ATP1A1: variants seen among roughly 807,000 people sequenced by gnomAD.
ATP1A1 encodes the protein ATPase Na+/K+ transporting subunit alpha 1.
ATP1A1 carries 14 observed loss-of-function variants against 114.8 expected under a neutral mutation model. The observed-to-expected ratio is 0.12, with a 90% CI of 0.08 to 0.19. ATP1A1 has a LOEUF of 0.19. ATP1A1 is among the 10% of genes least tolerant of loss of function. The pLI is 1.00. For missense variants in ATP1A1, 524 were observed against 1,290.7 expected (o/e 0.41, Z 9.10); for synonymous variants, 471 against 466.3 (o/e 1.01, Z -0.13).
rs1407809777 is a variant in ATP1A1, at chr1:116,386,153, AAAAAG to A, written c.184-1134_184-1130del. On this transcript the variant is annotated intron_variant, in intron 3 of 22. Coordinates refer to ENST00000295598, the MANE Select transcript of ATP1A1 (RefSeq NM_000701.8). ...AAAAAAAAAAAAAAAAAAAAAAAAA[AAAAAG>A]GAGAGAAGAACAAGGTTGAGAGCGT... 7 of 150,778 alleles carry A rather than the reference AAAAAG, an allele frequency of 4.6e-5. No homozygotes were observed. The East Asian group carries it at 9.3e-4, about 20-fold the overall frequency. 9.3% of individuals were successfully genotyped at this position (150,778 alleles called of 1,614,324 possible). A position where few individuals can be genotyped will look rare whatever the true frequency, so the allele number is the denominator to read the frequency against.
intron 10 of ATP1A1, 103 bp downstream of exon 10, chr1:116,390,994 C>G (rs1652425148): frequency 1.1e-6 from 1 of 946,012 alleles, no homozygotes; most frequent in Non-Finnish European, 1.7e-6. Context: ...TGTGACTGTT[C>G]ACTGTAGAAC....
chr1:116,373,556 G>C (rs749736204), intron 1 of ATP1A1, 33 bp downstream of exon 1: 3 of 1,434,024 alleles, frequency 2.1e-6, no homozygotes, highest in Non-Finnish European at 2.7e-6. Context: ...GAGGGGGCTC[G>C]GGGAGCCCTC....
At chr1:116,374,668 T>C (rs748159808) in intron 1 of ATP1A1, among the ~76,000 whole-genome samples, 5 of 152,108 alleles carry the variant, frequency 3.3e-5, no homozygotes, top group Admixed American at 6.5e-5. Flanking sequence ...TGAGAAAAAT[T>C]TACACAGAAT....
chr1:116,395,273 T>C lies in ATP1A1; in HGVS notation c.1824T>C (p.Ser608=), dbSNP rs773412210. 6.2e-7 allele frequency: 1 copy of C among 1,614,020 alleles called. No homozygotes were observed. The highest frequency in any genetic ancestry group is 8.5e-7 in the Non-Finnish European group (1 of 1,179,998). The change falls in exon 13 of 23, where the codon AGT becomes AGC. Residue 608 remains serine (S), a synonymous_variant. Transcript: ENST00000295598. The surrounding 1 kb of genome is among the most constrained non-coding windows in gnomAD (Gnocchi z 6.4). ...AVPDAVGKCR[S]AGIKVIMVTG... The stretch of plus-strand genomic sequence containing the variant: ...CTGATGCCGTGGGCAAATGTCGAAG[T>C]GCTGGAATTAAGGTAGTGCCCAGGC...
At position 116,387,573 on chromosome 1, in the gene ATP1A1, A is replaced by C; in HGVS notation, c.387+82A>C. On this transcript the variant is annotated intron_variant, in intron 4 of 22. Transcript: ENST00000295598. The surrounding 1 kb of genome is among the most constrained non-coding windows in gnomAD (Gnocchi z 6.7). Reference sequence around the variant, plus strand: ...CTTTGTCTCCCACTTCTTCTCAATTACCACTCATTACTTAATGGTTATGAA... The same window carrying C: ...CTTTGTCTCCCACTTCTTCTCAATTCCCACTCATTACTTAATGGTTATGAA... 7.0e-7 allele frequency: 1 copy of C among 1,423,064 alleles called. No individual in the cohort carries two copies. Among genetic ancestry groups the C allele is most frequent in the Non-Finnish European group, 9.7e-7 (1 of 1,026,928 alleles). 88.2% of individuals were successfully genotyped at this position (1,423,064 alleles called of 1,614,324 possible). A position where few individuals can be genotyped will look rare whatever the true frequency, so the allele number is the denominator to read the frequency against.
At chr1:116,386,474 T>C (rs926403905) in intron 3 of ATP1A1, among the ~76,000 whole-genome samples, 28 of 152,200 alleles carry the variant, frequency 1.8e-4, no homozygotes, top group South Asian at 2.1e-4. Context: ...GTTCCTGGCA[T>C]GTAGATAGCA....
rs1653073351 is a variant in ATP1A1, at chr1:116,397,927, G to A, written c.2013G>A (p.Lys671=). The A allele has an allele frequency of 6.2e-7, 1 of 1,613,182 alleles. No homozygotes were observed. The highest frequency in any genetic ancestry group is 1.1e-5 in the South Asian group (1 of 91,058). The stretch of plus-strand genomic sequence containing the variant: ...GCGTAGTACACGGCAGTGATCTAAA[G>A]GACATGACCTCCGAGCAGCTGGATG... ...KACVVHGSDL[K]DMTSEQLDDI... Residue 671 remains lysine (K), a synonymous_variant, in exon 15 of 23, where the codon AAG becomes AAA. Coordinates refer to ENST00000295598, the MANE Select transcript of ATP1A1 (RefSeq NM_000701.8). The surrounding 1 kb of genome is among the most constrained non-coding windows in gnomAD (Gnocchi z 4.2).
rs919369021 is a variant in ATP1A1 at position 116,396,704 on chromosome 1, T to C, written c.1943T>C (p.Leu648Pro). 1 of 1,594,564 alleles carries C rather than the reference T, an allele frequency of 6.3e-7. No individual in the cohort carries two copies. The highest frequency in any genetic ancestry group is 1.3e-5 in the African/African-American group (1 of 74,280). ...ACCGTGGAAGACATTGCTGCCCGCCTCAACATCCCAGTCAGCCAGGTGAAC... is the reference window on the plus strand; with the variant it reads ...ACCGTGGAAGACATTGCTGCCCGCCCCAACATCCCAGTCAGCCAGGTGAAC... ...NETVEDIAAR[L>P]NIPVSQVNPR... The change falls in exon 14 of 23, where the codon CTC becomes CCC. Residue 648 changes from leucine (L) to proline (P), a missense_variant. By Grantham distance (98) the Leu-to-Pro change is moderately conservative (BLOSUM62 -3). Transcript: ENST00000295598.
Position 116,396,702 on chromosome 1 carries a change from C to T in ATP1A1, c.1941C>T (p.Arg647=). The T allele has an allele frequency of 6.3e-7, 1 of 1,594,334 alleles. No homozygotes were observed. The highest frequency in any genetic ancestry group is 1.1e-5 in the South Asian group (1 of 89,350). The change falls in exon 14 of 23, where the codon CGC becomes CGT. Residue 647 remains arginine, a synonymous_variant. Transcript: ENST00000295598. ...GNETVEDIAA[R]LNIPVSQVNP... The stretch of plus-strand genomic sequence containing the variant: ...AGACCGTGGAAGACATTGCTGCCCG[C>T]CTCAACATCCCAGTCAGCCAGGTGA...
At position 116,384,724 on chromosome 1, in the gene ATP1A1, T is replaced by C. The variant is rs1252070138; in HGVS notation, c.124-59T>C. 3 of 1,419,588 alleles carry C rather than the reference T, an allele frequency of 2.1e-6. No homozygotes were observed. In the East Asian group the frequency reaches 7.0e-5, roughly 33 times the overall value. 87.9% of individuals were successfully genotyped at this position (1,419,588 alleles called of 1,614,324 possible). Reference sequence around the variant, plus strand: ...GATAGTAATGAATAATGCTATTTTTTCTGTCATTTTTTTATACTACACTGT... The same window carrying C: ...GATAGTAATGAATAATGCTATTTTTCCTGTCATTTTTTTATACTACACTGT... On this transcript the variant is annotated intron_variant, in intron 2 of 22. Transcript: ENST00000295598. This position sits in a 1 kb window ranked among gnomAD's most constrained non-coding sequence, Gnocchi z 5.1.
chr1:116,395,046 T>G lies in ATP1A1; in HGVS notation c.1661-64T>G. 9 of 1,528,352 alleles carry G rather than the reference T, an allele frequency of 5.9e-6. No homozygotes were observed. The highest frequency in any genetic ancestry group is 7.1e-6 in the Non-Finnish European group (8 of 1,125,690). 94.7% of individuals were successfully genotyped at this position (1,528,352 alleles called of 1,614,324 possible). The stretch of plus-strand genomic sequence containing the variant: ...AGAAAGGTAGGCGGGCTGAATAGGC[T>G]GCTGTTGTCCTTCTTACTGCCCAGC... On this transcript the variant is annotated intron_variant, in intron 12 of 22. Coordinates refer to ENST00000295598, the MANE Select transcript of ATP1A1 (RefSeq NM_000701.8). The surrounding 1 kb of genome is among the most constrained non-coding windows in gnomAD (Gnocchi z 6.4).
chr1:116,399,055 ATCC>A lies in ATP1A1; in HGVS notation c.2422_2424del (p.Leu808del), dbSNP rs1345467353. ...TCCACTACCACTGGGGACTGTCACC[ATCC>A]TCTGCATTGACTTGGGCACTGACAT... On this transcript the variant is annotated inframe_deletion, in exon 17 of 23. Transcript: ENST00000295598. The surrounding 1 kb of genome is among the most constrained non-coding windows in gnomAD (Gnocchi z 5.0). The A allele has an allele frequency of 6.2e-7, 1 of 1,614,042 alleles. No individual in the cohort carries two copies. The highest frequency in any genetic ancestry group is 1.3e-5 in the African/African-American group (1 of 74,916).
At chr1:116,396,276 C>CTTT (rs367825500) in intron 13 of ATP1A1, among the ~76,000 whole-genome samples, 3,663 of 102,494 alleles carry the variant, frequency 0.036, 136 homozygotes, top group African/African-American at 0.1. Context: ...GATTTTTATC[C>CTTT]TTTTTTTTTT....
rs1453874552 is a variant in ATP1A1, at chr1:116,385,889, G to T, written c.183+1047G>T. 6.6e-6 allele frequency: 1 copy of T among 152,206 alleles called. No homozygotes were observed. Among genetic ancestry groups the T allele is most frequent in the Non-Finnish European group, 1.5e-5 (1 of 68,154 alleles). 9.4% of individuals were successfully genotyped at this position (152,206 alleles called of 1,614,324 possible). A position where few individuals can be genotyped will look rare whatever the true frequency, so the allele number is the denominator to read the frequency against. On this transcript the variant is annotated intron_variant, in intron 3 of 22. Coordinates refer to ENST00000295598, the MANE Select transcript of ATP1A1 (RefSeq NM_000701.8). The surrounding 1 kb of genome is among the most constrained non-coding windows in gnomAD (Gnocchi z 4.3). Reference sequence around the variant, plus strand: ...TGCCTGTAATCTCAGCACTTTGGGAGGCTGAGACTGGTGGATCACCTGAGG... The same window carrying T: ...TGCCTGTAATCTCAGCACTTTGGGATGCTGAGACTGGTGGATCACCTGAGG...
rs1433246523 is a variant in ATP1A1 at position 116,404,045 on chromosome 1, T to C, written c.3043+70T>C. The C allele has an allele frequency of 2.0e-6, 3 of 1,490,752 alleles. No individual in the cohort carries two copies. Among genetic ancestry groups the C allele is most frequent in the Non-Finnish European group, 2.8e-6 (3 of 1,079,698 alleles). 92.3% of individuals were successfully genotyped at this position (1,490,752 alleles called of 1,614,324 possible). A position where few individuals can be genotyped will look rare whatever the true frequency, so the allele number is the denominator to read the frequency against. On this transcript the variant is annotated intron_variant, in intron 22 of 22. Coordinates refer to ENST00000295598, the MANE Select transcript of ATP1A1 (RefSeq NM_000701.8). The surrounding 1 kb of genome is among the most constrained non-coding windows in gnomAD (Gnocchi z 4.8). The stretch of plus-strand genomic sequence containing the variant: ...GGCTATAGTTCTATTGGTTTTTTGT[T>C]TCCCTCAAGGTGTCTAGGCTCCCTC...
In ATP1A1 at chr1:116,396,642, T is replaced by C. The variant is rs776668339; in HGVS notation, c.1881T>C (p.Ile627=). ...TGDHPITAKA[I]AKGVGIISEG... The stretch of plus-strand genomic sequence containing the variant: ...ACCATCCAATCACAGCTAAAGCTAT[T>C]GCCAAAGGTGTGGGCATCATCTCAG... Residue 627 remains isoleucine (I), a synonymous_variant, in exon 14 of 23, where the codon ATT becomes ATC. Transcript: ENST00000295598. 12 of 1,613,794 alleles carry C rather than the reference T, an allele frequency of 7.4e-6. No homozygotes were observed. The highest frequency in any genetic ancestry group is 6.7e-5 in the East Asian group (3 of 44,838).
rs1649867458 is a variant in ATP1A1 at position 116,388,100 on chromosome 1, C to T, written c.388-31C>T. The stretch of plus-strand genomic sequence containing the variant: ...AATGTCCCTAATTATTGTGTAGAGC[C>T]ACGGGCCCTAACTTGTCTTTTCCCT... On this transcript the variant is annotated intron_variant, in intron 4 of 22. Coordinates refer to ENST00000295598, the MANE Select transcript of ATP1A1 (RefSeq NM_000701.8). This position sits in a 1 kb window ranked among gnomAD's most constrained non-coding sequence, Gnocchi z 5.6. 2 of 1,425,160 alleles carry T rather than the reference C, an allele frequency of 1.4e-6. No homozygotes were observed. The highest frequency in any genetic ancestry group is 2.0e-6 in the Non-Finnish European group (2 of 1,024,636). 88.3% of individuals were successfully genotyped at this position (1,425,160 alleles called of 1,614,324 possible).
Position 116,392,851 on chromosome 1 carries a change from C to T in ATP1A1, c.1333-3C>T. 3 of 1,607,698 alleles carry T rather than the reference C, an allele frequency of 1.9e-6. No individual in the cohort carries two copies. The highest frequency in any genetic ancestry group is 1.7e-6 in the Non-Finnish European group (2 of 1,177,258). ...AATTTACAGATGATGTCTCTGTTCACAGCGGGCAGTTGCAGGAGATGCCTC... is the reference window on the plus strand; with the variant it reads ...AATTTACAGATGATGTCTCTGTTCATAGCGGGCAGTTGCAGGAGATGCCTC... On this transcript the variant is annotated splice_region_variant and splice_polypyrimidine_tract_variant and intron_variant, in intron 10 of 22. Transcript: ENST00000295598.
chr1:116,389,959 A>C lies in ATP1A1; in HGVS notation c.1023+252A>C, dbSNP rs557232785. On this transcript the variant is annotated intron_variant, in intron 8 of 22. Coordinates refer to ENST00000295598, the MANE Select transcript of ATP1A1 (RefSeq NM_000701.8). This position sits in a 1 kb window ranked among gnomAD's most constrained non-coding sequence, Gnocchi z 6.9. ...GTGGTCCTGAACAGTGCAGTGGAGA[A>C]AGGAGAAGAACTTGGGATCAAGTAG... The C allele has an allele frequency of 1.2e-3, 780 of 671,802 alleles. 9 individuals are homozygous for C. The South Asian group carries it at 0.015, about 13-fold the overall frequency. 41.6% of individuals were successfully genotyped at this position (671,802 alleles called of 1,614,324 possible). A position where few individuals can be genotyped will look rare whatever the true frequency, so the allele number is the denominator to read the frequency against.
Sources: gnomAD v4.1 joint callset for allele counts (sites outside exome capture counted in the v4.1 genomes callset) on GRCh38, gnomAD v4.1.1 for gene constraint, Gnocchi (gnomAD v3.1) non-coding constraint, MANE v1.5 for transcripts, NCBI Gene and HGNC (gene_info 2026-07-23, HGNC 2026-07-21) for gene names.